B3GALT1: variants seen among roughly 807,000 people sequenced by gnomAD.
B3GALT1 encodes UDP-Gal:betaGlcNAc beta 1,3-galactosyltransferase, polypeptide 1.
A neutral mutation model predicts 23.2 loss-of-function variants in B3GALT1; 10 were observed. The observed-to-expected ratio is 0.43, with a 90% CI of 0.27 to 0.73. The LOEUF (loss-of-function observed/expected upper bound fraction) is 0.73. Among genes scored for constraint, B3GALT1 ranks in the 30% least tolerant of loss-of-function variants. The pLI is 0.21. For missense variants in B3GALT1, 299 were observed against 405.4 expected (o/e 0.74, Z 2.25); for synonymous variants, 156 against 141.5 (o/e 1.10, Z -0.73).
chr2:167,322,843 G>A (rs1292741397), intron 1 of B3GALT1, among the ~76,000 whole-genome samples: 2 of 151,912 alleles, frequency 1.3e-5, no homozygotes, highest in Non-Finnish European at 2.9e-5. Flanking sequence ...ATGCTTGTTT[G>A]TTTCATTCAT....
Position 167,837,486 on chromosome 2 carries a change from A to C in B3GALT1, c.-230+18693A>C, listed in dbSNP as rs1317565234. On this transcript the variant is annotated intron_variant, in intron 4 of 4. Coordinates refer to ENST00000392690, the MANE Select transcript of B3GALT1 (RefSeq NM_020981.4). ...CCACAAGAAGAGCTAACTATCCTAA[A>C]TATATATGCACCCAATACAGGAGCA... 8.6e-5 allele frequency among the ~76,000 whole-genome samples: 13 copies of C among 151,834 alleles called. 1 individual carries two copies. Among genetic ancestry groups the C allele is most frequent in the African/African-American group, 3.1e-4 (13 of 41,376 alleles).
intron 4 of B3GALT1, among the ~76,000 whole-genome samples, chr2:167,857,132 C>G (rs528113750): frequency 6.6e-6 from 1 of 152,158 alleles, no homozygotes; most frequent in Non-Finnish European, 1.5e-5. Context: ...TCCAGGAGAC[C>G]AATTTACCTT....
Position 167,415,302 on chromosome 2 carries a change from A to G in B3GALT1, c.-510-74875A>G, listed in dbSNP as rs150699374. ...CTAGCCTACCCAGCTCCCTCATTAT[A>G]TGATACCCTGAGCCATCTCAGGTCT... is the stretch of plus-strand genomic sequence containing the variant. On this transcript the variant is annotated intron_variant, in intron 1 of 4. Coordinates refer to ENST00000392690, the MANE Select transcript of B3GALT1 (RefSeq NM_020981.4). 7.3e-4 allele frequency among the ~76,000 whole-genome samples: 111 copies of G among 152,294 alleles called. 1 individual carries two copies. The East Asian group carries it at 0.018, about 24-fold the overall frequency.
chr2:167,332,188 C>T (rs1310139767), intron 1 of B3GALT1, among the ~76,000 whole-genome samples: 1 of 152,110 alleles, frequency 6.6e-6, no homozygotes, highest in African/African-American at 2.4e-5. Flanking sequence ...TTATAGGAGT[C>T]CACAGCAGGA....
At chr2:167,348,968 T>G (rs561367638) in intron 1 of B3GALT1, among the ~76,000 whole-genome samples, 1 of 152,204 alleles carries the variant, frequency 6.6e-6, no homozygotes, top group African/African-American at 2.4e-5. Context: ...GAGCAGAGGA[T>G]TTTGCACCTA....
At chr2:167,685,436 AAAAC>A (rs1336902577) in intron 3 of B3GALT1, among the ~76,000 whole-genome samples, 1 of 152,176 alleles carries the variant, frequency 6.6e-6, no homozygotes, top group Admixed American at 6.5e-5. Context: ...AGCACATAGG[AAAAC>A]AAACAAAGTA....
chr2:167,555,979 C>A (rs16853751), intron 2 of B3GALT1, among the ~76,000 whole-genome samples: 2 of 151,972 alleles, frequency 1.3e-5, no homozygotes, highest in Admixed American at 6.6e-5. Context: ...TGACTTTAGC[C>A]GAATATGAAT....
At chr2:167,492,752 C>T (rs1489332378) in intron 2 of B3GALT1, among the ~76,000 whole-genome samples, 1 of 152,104 alleles carries the variant, frequency 6.6e-6, no homozygotes. Flanking sequence ...CCAAAAGACT[C>T]TGAATTCTTA....
intron 3 of B3GALT1, among the ~76,000 whole-genome samples, chr2:167,781,487 A>G (rs1306244895): frequency 6.6e-6 from 1 of 152,202 alleles, no homozygotes; most frequent in Non-Finnish European, 1.5e-5. Context: ...GCACACTGTG[A>G]TTCCTCTGAA....
chr2:167,677,123 T>C (rs192592503), intron 3 of B3GALT1, among the ~76,000 whole-genome samples: 2 of 152,122 alleles, frequency 1.3e-5, no homozygotes, highest in East Asian at 1.9e-4. Flanking sequence ...GTATCAGATA[T>C]GTAGAATAAG....
At chr2:167,825,747 C>CTGACTT (rs1214648128) in intron 4 of B3GALT1, among the ~76,000 whole-genome samples, 1 of 152,174 alleles carries the variant, frequency 6.6e-6, no homozygotes, top group African/African-American at 2.4e-5. Flanking sequence ...ATCTGCCCCT[C>CTGACTT]TGACTTTGTC....
intron 3 of B3GALT1, among the ~76,000 whole-genome samples, chr2:167,782,193 A>G (rs567414187): frequency 1.3e-5 from 2 of 152,296 alleles, no homozygotes; most frequent in South Asian, 4.1e-4. Flanking sequence ...ACTAACGGAG[A>G]TTCCATGCTT....
intron 2 of B3GALT1, among the ~76,000 whole-genome samples, chr2:167,627,053 A>T (rs561637926): frequency 1.8e-4 from 27 of 151,828 alleles, no homozygotes; most frequent in African/African-American, 6.5e-4. Flanking sequence ...ATTTTTCCTC[A>T]TCATTTTATT....
chr2:167,472,762 A>T (rs1699435184), intron 1 of B3GALT1, among the ~76,000 whole-genome samples: 1 of 152,076 alleles, frequency 6.6e-6, no homozygotes, highest in South Asian at 2.1e-4. Flanking sequence ...ATTGAAGTAT[A>T]GTCTTTATTT....
At chr2:167,417,249 G>A (rs887514384) in intron 1 of B3GALT1, among the ~76,000 whole-genome samples, 2 of 152,066 alleles carry the variant, frequency 1.3e-5, no homozygotes, top group African/African-American at 4.8e-5. Flanking sequence ...ATCCATTATA[G>A]GATTAATCGA....
chr2:167,820,623 C>A (rs1172196518), intron 4 of B3GALT1, among the ~76,000 whole-genome samples: 2 of 152,218 alleles, frequency 1.3e-5, no homozygotes, highest in African/African-American at 2.4e-5. Flanking sequence ...CATGGACCCA[C>A]AATGGACCTG....
intron 1 of B3GALT1, 143 bp downstream of exon 1, chr2:167,293,477 T>G (rs1053031213): frequency 2.0e-5 from 3 of 152,612 alleles, no homozygotes; most frequent in Non-Finnish European, 4.4e-5. Context: ...GCTGTGCTAC[T>G]GCCCGCGCCC....
At chr2:167,443,000 T>G (rs1698919669) in intron 1 of B3GALT1, among the ~76,000 whole-genome samples, 1 of 151,896 alleles carries the variant, frequency 6.6e-6, no homozygotes, top group Admixed American at 6.6e-5. Context: ...AGGGTTTTTA[T>G]GGTTTTAGGT....
In B3GALT1 at chr2:167,524,046, T is replaced by C. The variant is rs1166230454; in HGVS notation, c.-410+33769T>C. Among the ~76,000 whole-genome samples the C allele has an allele frequency of 2.6e-5, 4 of 152,326 alleles. No homozygotes were observed. In the East Asian group the frequency reaches 7.7e-4, roughly 29 times the overall value. ...AGGATGTGGACATTTTAAAAACTTC[T>C]AACATTTAGTGCTAAATTGCCCTCC... On this transcript the variant is annotated intron_variant, in intron 2 of 4. Coordinates refer to ENST00000392690, the MANE Select transcript of B3GALT1 (RefSeq NM_020981.4).
Sources: gnomAD v4.1 joint callset for allele counts (sites outside exome capture counted in the v4.1 genomes callset) on GRCh38, gnomAD v4.1.1 for gene constraint, MANE v1.5 for transcripts, NCBI Gene and HGNC (gene_info 2026-07-23, HGNC 2026-07-21) for gene names.